CNIH4: variants seen among roughly 807,000 people sequenced by gnomAD.
CNIH4 encodes protein cornichon homolog 4.
Under a neutral mutation model 21.5 loss-of-function variants are expected in CNIH4, and 9 were observed. The observed-to-expected ratio is 0.42, with a 90% confidence interval of 0.25 to 0.73. CNIH4 has a LOEUF of 0.73. CNIH4 is among the 30% of genes least tolerant of loss of function. CNIH4 has a pLI of 0.27. For missense variants in CNIH4, 159 were observed against 170.0 expected (o/e 0.94, Z 0.36); for synonymous variants, 67 against 59.1 (o/e 1.13, Z -0.61).
At chr1:224,357,914 A>G (rs1672165126) in intron 1 of CNIH4, among the ~76,000 whole-genome samples, 1 of 152,202 alleles carries the variant, frequency 6.6e-6, no homozygotes, top group Non-Finnish European at 1.5e-5. Flanking sequence ...TGCACCATCC[A>G]GGTTTAAGTA....
chr1:224,371,235 C>T (rs1448407299), intron 3 of CNIH4, 48 bp from the exon 4 acceptor site: 1 of 1,566,436 alleles, frequency 6.4e-7, no homozygotes, highest in East Asian at 2.2e-5. Flanking sequence ...AATACTTATG[C>T]CTATGATTTG....
chr1:224,366,233 G>C (rs913266653), intron 3 of CNIH4, among the ~76,000 whole-genome samples: 1 of 152,068 alleles, frequency 6.6e-6, no homozygotes, highest in South Asian at 2.1e-4. Context: ...CTAGAGACAG[G>C]GTTTCACCAT....
intron 3 of CNIH4, among the ~76,000 whole-genome samples, chr1:224,369,616 CG>C (rs1460370486): frequency 6.6e-6 from 1 of 151,174 alleles, no homozygotes; most frequent in East Asian, 1.9e-4. Context: ...ATAACTGGAT[CG>C]TTTGTAACAC....
At chr1:224,363,263 C>T (rs1672352573) in intron 2 of CNIH4, among the ~76,000 whole-genome samples, 1 of 151,844 alleles carries the variant, frequency 6.6e-6, no homozygotes, top group Admixed American at 6.6e-5. Flanking sequence ...AGGCTGGTCT[C>T]CGACTCCTGA....
At chr1:224,366,093 G>T (rs536390158) in intron 3 of CNIH4, 102 bp downstream of exon 3, 2 of 748,776 alleles carry the variant, frequency 2.7e-6, no homozygotes, top group South Asian at 2.9e-5. Flanking sequence ...CCAGGCTGGA[G>T]TGCAGTGGTG....
Position 224,376,580 on chromosome 1 carries a change from G to T in CNIH4, c.*758G>T, listed in dbSNP as rs537544260. ...AATTGTATTTGATCTCCCTGATAACGTATTTTCATGGGTTTGGGTAGAAGA... is the reference window on the plus strand; with the variant it reads ...AATTGTATTTGATCTCCCTGATAACTTATTTTCATGGGTTTGGGTAGAAGA... On this transcript the variant is annotated 3_prime_UTR_variant, in exon 5 of 5. Transcript: ENST00000465271. The T allele has an allele frequency of 1.0e-6, 1 of 985,378 alleles. No individual in the cohort carries two copies. The highest frequency in any genetic ancestry group is 1.2e-6 in the Non-Finnish European group (1 of 829,916). The allele number at this position is 985,378 out of a possible 1,614,324, so 61.0% of individuals were successfully genotyped here. A position where few individuals can be genotyped will look rare whatever the true frequency, so the allele number is the denominator to read the frequency against.
rs907642586 is a variant in CNIH4, at chr1:224,376,718, T to G, written c.*896T>G. 1.0e-6 allele frequency: 1 copy of G among 985,458 alleles called. No individual in the cohort carries two copies. Among genetic ancestry groups the G allele is most frequent in the Non-Finnish European group, 1.2e-6 (1 of 829,936 alleles). 61.0% of individuals were successfully genotyped at this position (985,458 alleles called of 1,614,324 possible). Reference sequence around the variant, plus strand: ...CTATCCCTCTGCACTGACCACGTTGTGAACTGGGAGACCAAATGCAAGCCA... The same window carrying G: ...CTATCCCTCTGCACTGACCACGTTGGGAACTGGGAGACCAAATGCAAGCCA... On this transcript the variant is annotated 3_prime_UTR_variant, in exon 5 of 5. Coordinates refer to ENST00000465271, the MANE Select transcript of CNIH4 (RefSeq NM_014184.4).
In CNIH4 at chr1:224,376,644, C is replaced by G. The variant is rs756048823; in HGVS notation, c.*822C>G. The G allele has an allele frequency of 2.3e-4, 228 of 985,284 alleles. 2 individuals are homozygous for G. The highest frequency in any genetic ancestry group is 8.1e-5 in the Non-Finnish European group (67 of 829,942). 61.0% of individuals were successfully genotyped at this position (985,284 alleles called of 1,614,324 possible). ...AGAAGCAGGAATAGTTATTTGCTGT[C>G]TGTGAAATTGAGCCTTTTGGTGCGC... On this transcript the variant is annotated 3_prime_UTR_variant, in exon 5 of 5. Coordinates refer to ENST00000465271, the MANE Select transcript of CNIH4 (RefSeq NM_014184.4).
At chr1:224,360,593 A>G (rs764773436) in intron 2 of CNIH4, 30 bp downstream of exon 2, 2 of 1,219,852 alleles carry the variant, frequency 1.6e-6, no homozygotes, top group Non-Finnish European at 2.3e-6. Context: ...ATTCTCTGGC[A>G]TTGAAGCCAG....
Position 224,376,104 on chromosome 1 carries a change from T to G in CNIH4, c.*282T>G. 8.8e-7 allele frequency: 1 copy of G among 1,142,436 alleles called. No individual in the cohort carries two copies. The highest frequency in any genetic ancestry group is 1.1e-6 in the Non-Finnish European group (1 of 930,108). 70.8% of individuals were successfully genotyped at this position (1,142,436 alleles called of 1,614,324 possible). A position where few individuals can be genotyped will look rare whatever the true frequency, so the allele number is the denominator to read the frequency against. On this transcript the variant is annotated 3_prime_UTR_variant, in exon 5 of 5. Transcript: ENST00000465271. ...GGTTATTTGTATGTAGGAACAGGAC[T>G]GCCATCCCAGCTTTGCATGCCAAAG...
At chr1:224,362,402 T>C (rs1672321293) in intron 2 of CNIH4, among the ~76,000 whole-genome samples, 1 of 151,418 alleles carries the variant, frequency 6.6e-6, no homozygotes, top group South Asian at 2.1e-4. Flanking sequence ...TCTCTCTCTT[T>C]CTCTCTTTTC....
At chr1:224,368,750 G>T (rs991379529) in intron 3 of CNIH4, among the ~76,000 whole-genome samples, 2 of 151,752 alleles carry the variant, frequency 1.3e-5, no homozygotes, top group African/African-American at 4.8e-5. Context: ...TCGACCTCCT[G>T]GGCTCAAGCG....
intron 4 of CNIH4, among the ~76,000 whole-genome samples, chr1:224,373,158 C>G (rs747220274): frequency 1.4e-4 from 21 of 152,156 alleles, no homozygotes; most frequent in Non-Finnish European, 2.8e-4. Flanking sequence ...GTTCTTAATC[C>G]AAGTATCAAA....
At chr1:224,375,654 C>T in intron 4 of CNIH4, 141 bp from the exon 5 acceptor site, 5 of 867,460 alleles carry the variant, frequency 5.8e-6, no homozygotes, top group Non-Finnish European at 8.6e-6. Flanking sequence ...CTAATATATT[C>T]TTTCCTTTGG....
In CNIH4 at chr1:224,375,945, A is replaced by G. The variant is rs1672769550; in HGVS notation, c.*123A>G. Reference sequence around the variant, plus strand: ...TATATATTTTCCTCTTGGAACAAAAAACTATTTTTGCTGTATTTTTACCAT... The same window carrying G: ...TATATATTTTCCTCTTGGAACAAAAGACTATTTTTGCTGTATTTTTACCAT... On this transcript the variant is annotated 3_prime_UTR_variant, in exon 5 of 5. Coordinates refer to ENST00000465271, the MANE Select transcript of CNIH4 (RefSeq NM_014184.4). 2 of 1,375,036 alleles carry G rather than the reference A, an allele frequency of 1.5e-6. No individual in the cohort carries two copies. Among genetic ancestry groups the G allele is most frequent in the Middle Eastern group, 1.9e-4 (1 of 5,244 alleles). 85.2% of individuals were successfully genotyped at this position (1,375,036 alleles called of 1,614,324 possible). A position where few individuals can be genotyped will look rare whatever the true frequency, so the allele number is the denominator to read the frequency against.
At chr1:224,356,840 G>A, upstream of CNIH4, 1 of 1,200,968 alleles carries the variant, frequency 8.3e-7, no homozygotes, top group Non-Finnish European at 1.2e-6. Context: ...ACACGCCTCA[G>A]CCAGCCCCGG....
At position 224,377,508 on chromosome 1, in the gene CNIH4, T is replaced by A. The variant is rs2102873677; in HGVS notation, c.*1686T>A. 6.7e-6 allele frequency: 1 copy of A among 148,776 alleles called. No individual in the cohort carries two copies. The highest frequency in any genetic ancestry group is 3.4e-3 in the Middle Eastern group (1 of 290). The allele number at this position is 148,776 out of a possible 1,614,324, so 9.2% of individuals were successfully genotyped here. A position where few individuals can be genotyped will look rare whatever the true frequency, so the allele number is the denominator to read the frequency against. Reference sequence around the variant, plus strand: ...GATCTTTTTTTTTTTTTTTTTGAGATGGGGTCTTGCTGTGTTGCCCAGGCT... The same window carrying A: ...GATCTTTTTTTTTTTTTTTTTGAGAAGGGGTCTTGCTGTGTTGCCCAGGCT... On this transcript the variant is annotated 3_prime_UTR_variant, in exon 5 of 5. Transcript: ENST00000465271.
At chr1:224,364,709 T>G (rs1490750127) in intron 2 of CNIH4, among the ~76,000 whole-genome samples, 1 of 151,988 alleles carries the variant, frequency 6.6e-6, no homozygotes, top group Non-Finnish European at 1.5e-5. Flanking sequence ...CTGAGGTGGG[T>G]GGATCACAAG....
At chr1:224,360,291 T>G (rs1344540911) in intron 1 of CNIH4, among the ~76,000 whole-genome samples, 3 of 152,132 alleles carry the variant, frequency 2.0e-5, no homozygotes. Context: ...AGATTAGATT[T>G]GAGCAAAATA....
Sources: gnomAD v4.1 joint callset for allele counts (sites outside exome capture counted in the v4.1 genomes callset) on GRCh38, gnomAD v4.1.1 for gene constraint, MANE v1.5 for transcripts, NCBI Gene and HGNC (gene_info 2026-07-23, HGNC 2026-07-21) for gene names.